The following ADGRE1 variants were observed in gnomAD, a reference collection of about 807,000 sequenced individuals.
ADGRE1 encodes adhesion G protein-coupled receptor E1.
A neutral mutation model predicts 102.7 loss-of-function variants in ADGRE1; 82 were observed. That is an observed-to-expected ratio of 0.80 (90% confidence interval 0.67 to 0.96). ADGRE1 has a LOEUF of 0.96. Ranked by LOEUF, ADGRE1 falls within the 40% of genes least tolerant of loss-of-function variation. The pLI, the probability that ADGRE1 is intolerant of heterozygous loss-of-function variation, is 0.00. For missense variants in ADGRE1, 1,032 were observed against 1,085.3 expected (o/e 0.95, Z 0.69); for synonymous variants, 398 against 399.6 (o/e 1.00, Z 0.05).
intron 10 of ADGRE1, among the ~76,000 whole-genome samples, chr19:6,910,972 A>G (rs954389062): frequency 1.3e-5 from 2 of 151,902 alleles, no homozygotes; most frequent in Admixed American, 6.6e-5. Flanking sequence ...TTTGCCTAAA[A>G]TTTTCTAACT....
chr19:6,915,595 C>G (rs1974343264), intron 11 of ADGRE1, among the ~76,000 whole-genome samples: 1 of 152,164 alleles, frequency 6.6e-6, no homozygotes, highest in Middle Eastern at 3.4e-3. Context: ...GCTAGGCTTG[C>G]CCCAATCCCT....
rs1973863009 is a variant in ADGRE1, at chr19:6,904,031, T to C, written c.803-5T>C. 6.2e-7 allele frequency: 1 copy of C among 1,614,226 alleles called. No homozygotes were observed. The highest frequency in any genetic ancestry group is 8.5e-7 in the Non-Finnish European group (1 of 1,180,024). On this transcript the variant is annotated splice_region_variant and splice_polypyrimidine_tract_variant and intron_variant, in intron 7 of 20. Coordinates refer to ENST00000312053, the MANE Select transcript of ADGRE1 (RefSeq NM_001974.5). ...GGTTTCTTGATATTCTCCAGTTCTT[T>C]GCAGATATTGATGAGTGCCGCCAAG... is the stretch of plus-strand genomic sequence containing the variant.
rs765477025 is a variant in ADGRE1 at position 6,924,699 on chromosome 19, A to G, written c.1813A>G (p.Ile605Val). ...ELTMDFSLYI[I>V]SHVGIIISLV... ...ACAGATGGACTTTTCCTTGTACATC[A>G]TTAGCCATGTAGGCATTATCATCTC... The change falls in exon 15 of 21, where the codon ATT becomes GTT. Residue 605 changes from isoleucine (I) to valine (V), a missense_variant. Coordinates refer to ENST00000312053, the MANE Select transcript of ADGRE1 (RefSeq NM_001974.5). 1.2e-5 allele frequency: 20 copies of G among 1,613,972 alleles called. No individual in the cohort carries two copies. The Admixed American group carries it at 2.7e-4, about 22-fold the overall frequency.
intron 17 of ADGRE1, among the ~76,000 whole-genome samples, chr19:6,930,265 A>T (rs1300031319): frequency 1.3e-5 from 2 of 152,170 alleles, no homozygotes; most frequent in Non-Finnish European, 2.9e-5. Flanking sequence ...GTGAGATGAC[A>T]GAGGGAAATG....
At chr19:6,915,191 A>G (rs1974329719) in intron 11 of ADGRE1, among the ~76,000 whole-genome samples, 1 of 151,960 alleles carries the variant, frequency 6.6e-6, no homozygotes, top group Non-Finnish European at 1.5e-5. Context: ...AATTTTTGGT[A>G]GAAATGAGGT....
chr19:6,933,002 C>T (rs74176212), intron 17 of ADGRE1, among the ~76,000 whole-genome samples: 32,891 of 152,110 alleles, frequency 0.22, 3,801 homozygotes, highest in Non-Finnish European at 0.24. Flanking sequence ...AGGCAGATCA[C>T]TTCGGGTCAG....
chr19:6,921,950 T>G, intron 14 of ADGRE1, 67 bp downstream of exon 14: 2 of 1,525,842 alleles, frequency 1.3e-6, no homozygotes, highest in Non-Finnish European at 1.8e-6. Flanking sequence ...AAAATATTGA[T>G]TAAACATCTG....
intron 12 of ADGRE1, among the ~76,000 whole-genome samples, chr19:6,918,003 A>AT (rs1974465289): frequency 6.6e-6 from 1 of 151,984 alleles, no homozygotes; most frequent in Non-Finnish European, 1.5e-5. Context: ...TCTAAGGCTA[A>AT]TTAGAAGGGA....
At chr19:6,913,299 C>T (rs466649) in intron 10 of ADGRE1, among the ~76,000 whole-genome samples, 109,266 of 151,780 alleles carry the variant, frequency 0.72, 39,834 homozygotes, top group East Asian at 0.77. Flanking sequence ...CTGCCTCAGC[C>T]TCCCAAGTAG....
rs1599739917 is a variant in ADGRE1, at chr19:6,913,886, CT to C, written c.1300+59del. ...CCTAGGGGATGATTTTGAAAGTTGA[CT>C]TTGGCAATGGGATATTCCCTGGGTT... On this transcript the variant is annotated intron_variant, in intron 11 of 20. Transcript: ENST00000312053. 1.1e-5 allele frequency: 17 copies of C among 1,495,142 alleles called. No homozygotes were observed. The East Asian group carries it at 4.0e-4, about 35-fold the overall frequency. 92.6% of individuals were successfully genotyped at this position (1,495,142 alleles called of 1,614,324 possible).
At chr19:6,910,434 T>C (rs1454455831) in intron 10 of ADGRE1, among the ~76,000 whole-genome samples, 1 of 152,190 alleles carries the variant, frequency 6.6e-6, no homozygotes, top group Non-Finnish European at 1.5e-5. Context: ...CAGATTCTTT[T>C]AGACATTCAA....
rs1471258065 is a variant in ADGRE1, at chr19:6,897,481, A to C, written c.448A>C (p.Asn150His). The C allele has an allele frequency of 6.2e-7, 1 of 1,600,098 alleles. No homozygotes were observed. Among genetic ancestry groups the C allele is most frequent in the Admixed American group, 1.8e-5 (1 of 56,276 alleles). ...CTGCCCTGAGCATTCTGACTGTGTC[A>C]ACTCCATGGGAAGCTACAGTTGCAG... ...SVCPEHSDCVNSMGSYSCSCQ... is the reference protein window; with the variant it reads ...SVCPEHSDCVHSMGSYSCSCQ... The change falls in exon 5 of 21, where the codon AAC becomes CAC. Residue 150 changes from asparagine (N) to histidine (H), a missense_variant. Physicochemically the swap from Asn to His is moderately conservative, Grantham distance 68. Coordinates refer to ENST00000312053, the MANE Select transcript of ADGRE1 (RefSeq NM_001974.5).
chr19:6,901,987 C>G lies in ADGRE1; in HGVS notation c.627C>G (p.His209Gln). The change falls in exon 6 of 21, where the codon CAC becomes CAG. Residue 209 changes from histidine (H) to glutamine (Q), a missense_variant. His to Gln is a conservative substitution (Grantham distance 24). Transcript: ENST00000312053. ...CNPGFESSSG[H>Q]LSFQGLKASC... ...CAGGATTTGAATCCAGCAGTGGCCA[C>G]TTGAGTTTCCAGGGTCTCAAAGCAT... 1.9e-6 allele frequency: 3 copies of G among 1,614,182 alleles called. No homozygotes were observed. Among genetic ancestry groups the G allele is most frequent in the Non-Finnish European group, 2.5e-6 (3 of 1,180,022 alleles).
rs185510624 is a variant in ADGRE1, at chr19:6,906,950, T to C, written c.1038+429T>C. Among the ~76,000 whole-genome samples, 3 of 152,278 alleles carry C rather than the reference T, an allele frequency of 2.0e-5. No individual in the cohort carries two copies. In the East Asian group the frequency reaches 5.8e-4, roughly 29 times the overall value. ...AGAGAATGTTTGCCTATCTAAAACT[T>C]GAGGATTCTCTTAATAAAAGAACGG... On this transcript the variant is annotated intron_variant, in intron 9 of 20. Transcript: ENST00000312053.
intron 8 of ADGRE1, among the ~76,000 whole-genome samples, chr19:6,904,857 C>A (rs892912950): frequency 4.6e-5 from 7 of 152,022 alleles, no homozygotes; most frequent in African/African-American, 1.7e-4. Context: ...ATGCTCCAAG[C>A]AAACAACATT....
intron 5 of ADGRE1, among the ~76,000 whole-genome samples, chr19:6,900,093 CAAA>C (rs35932450): frequency 3.9e-5 from 5 of 129,684 alleles, no homozygotes; most frequent in Admixed American, 7.9e-5. Flanking sequence ...GACTCCATCT[CAAA>C]AAAAAAAAAA....
At position 6,913,698 on chromosome 19, in the gene ADGRE1, T is replaced by G; in HGVS notation, c.1168T>G (p.Trp390Gly). 5.0e-6 allele frequency: 8 copies of G among 1,612,608 alleles called. No homozygotes were observed. Among genetic ancestry groups the G allele is most frequent in the Non-Finnish European group, 6.8e-6 (8 of 1,179,112 alleles). The change falls in exon 11 of 21, where the codon TGG becomes GGG. Residue 390 changes from tryptophan (W) to glycine (G), a missense_variant. Transcript: ENST00000312053. ...FVPVLKQIST[W>G]TKFTKEETSS... is the part of the protein sequence containing the mutation. ...CCCTGTGCTTAAACAAATATCCACG[T>G]GGACTAAATTCACCAAGGAAGAGAC...
At chr19:6,894,202 A>G (rs1461707946) in intron 2 of ADGRE1, among the ~76,000 whole-genome samples, 1 of 152,108 alleles carries the variant, frequency 6.6e-6, no homozygotes. Flanking sequence ...AGGGATTAGG[A>G]CATGGTCCTC....
intron 12 of ADGRE1, among the ~76,000 whole-genome samples, chr19:6,917,464 C>G (rs1397046557): frequency 6.6e-6 from 1 of 151,924 alleles, no homozygotes; most frequent in Non-Finnish European, 1.5e-5. Flanking sequence ...GGTCGCTGGG[C>G]GTGGTGGCTC....
Sources: gnomAD v4.1 joint callset for allele counts (sites outside exome capture counted in the v4.1 genomes callset) on GRCh38, gnomAD v4.1.1 for gene constraint, MANE v1.5 for transcripts, NCBI Gene and HGNC (gene_info 2026-07-23, HGNC 2026-07-21) for gene names.